Variants in NUAK2 observed in about 807,000 individuals in gnomAD.
NUAK2 encodes NUAK family kinase 2, also known as NUAK family SNF1-like kinase 2.
NUAK2 carries 20 observed loss-of-function variants against 29.8 expected under a neutral mutation model. That is an observed-to-expected ratio of 0.67 (90% confidence interval 0.47 to 0.98). NUAK2 has a LOEUF of 0.98. Among genes scored for constraint, NUAK2 ranks in the 50% least tolerant of loss-of-function variants. The pLI, the probability that NUAK2 is intolerant of heterozygous loss-of-function variation, is 0.00. For synonymous variants in NUAK2, 331 were observed against 342.6 expected (o/e 0.97, Z 0.37); for missense variants, 719 against 834.5 (o/e 0.86, Z 1.71).
intron 1 of NUAK2, among the ~76,000 whole-genome samples, chr1:205,317,483 G>A (rs1466113586): frequency 6.6e-6 from 1 of 152,188 alleles, no homozygotes; most frequent in Non-Finnish European, 1.5e-5. Context: ...GCCTAGGGGT[G>A]GCTCGCCATC....
chr1:205,313,702 AAG>A (rs573037198), intron 1 of NUAK2, among the ~76,000 whole-genome samples: 599 of 151,924 alleles, frequency 3.9e-3, no homozygotes, highest in Non-Finnish European at 7.1e-3. Context: ...AGGTTGAACT[AAG>A]AGATCTGAGG....
intron 2 of NUAK2, among the ~76,000 whole-genome samples, chr1:205,309,808 C>T (rs1662232015): frequency 6.6e-6 from 1 of 152,226 alleles, no homozygotes; most frequent in South Asian, 2.1e-4. Context: ...GGATCCAGGG[C>T]AGGGCCTCAT....
At chr1:205,311,431 T>C (rs528768000) in intron 2 of NUAK2, among the ~76,000 whole-genome samples, 2 of 152,278 alleles carry the variant, frequency 1.3e-5, no homozygotes, top group South Asian at 4.1e-4. Context: ...GAGTGGAGCA[T>C]TCAATGACAT....
At position 205,321,398 on chromosome 1, in the gene NUAK2, C is replaced by T; in HGVS notation, c.231G>A (p.Leu77=). The part of the protein sequence containing the change: ...VKKARESSGR[L]VAIKSIRKDK... Reference sequence around the variant, plus strand: ...CGCCGCGAGAGGGAGCCGCACTCACCAGGCGCCCCGAGCTCTCCCGCGCCT... The same window carrying T: ...CGCCGCGAGAGGGAGCCGCACTCACTAGGCGCCCCGAGCTCTCCCGCGCCT... The change falls in exon 1 of 7, where the codon CTG becomes CTA. Residue 77 remains leucine, a splice_region_variant and synonymous_variant. Transcript: ENST00000367157. 1 of 1,612,716 alleles carries T rather than the reference C, an allele frequency of 6.2e-7. No homozygotes were observed. Among genetic ancestry groups the T allele is most frequent in the Non-Finnish European group, 8.5e-7 (1 of 1,179,418 alleles).
chr1:205,320,389 C>T (rs1167351077), intron 1 of NUAK2, among the ~76,000 whole-genome samples: 3 of 152,156 alleles, frequency 2.0e-5, no homozygotes, highest in East Asian at 3.9e-4. Context: ...CTCAGCCTCC[C>T]GAGTAGCTGG....
At chr1:205,313,564 A>G (rs1476767983) in intron 1 of NUAK2, among the ~76,000 whole-genome samples, 2 of 151,992 alleles carry the variant, frequency 1.3e-5, no homozygotes, top group East Asian at 1.9e-4. Flanking sequence ...CCCAGAAAAT[A>G]CCAGGGAGCA....
intron 4 of NUAK2, among the ~76,000 whole-genome samples, chr1:205,307,342 G>A (rs2102646804): frequency 6.6e-6 from 1 of 152,308 alleles, no homozygotes. Context: ...GTCCATGTTT[G>A]TGCCTGATTA....
At chr1:205,320,912 C>T (rs1238022039) in intron 1 of NUAK2, among the ~76,000 whole-genome samples, 1 of 152,166 alleles carries the variant, frequency 6.6e-6, no homozygotes, top group East Asian at 1.9e-4. Context: ...CGTGCCAGAG[C>T]TCCAGTGTGC....
chr1:205,306,321 T>G lies in NUAK2; in HGVS notation c.571-14A>C. 6.2e-7 allele frequency: 1 copy of G among 1,607,324 alleles called. No individual in the cohort carries two copies. Among genetic ancestry groups the G allele is most frequent in the Non-Finnish European group, 8.5e-7 (1 of 1,176,880 alleles). On this transcript the variant is annotated splice_polypyrimidine_tract_variant and intron_variant, in intron 4 of 6. Coordinates refer to ENST00000367157, the MANE Select transcript of NUAK2 (RefSeq NM_030952.3). Reference sequence around the variant, plus strand: ...GAAGTCAGCAATCTGCAGGATTGAGTCAAACACGGGCACAGGTCATGTCAA... The same window carrying G: ...GAAGTCAGCAATCTGCAGGATTGAGGCAAACACGGGCACAGGTCATGTCAA...
At chr1:205,316,617 G>T (rs1311098820) in intron 1 of NUAK2, among the ~76,000 whole-genome samples, 1 of 152,194 alleles carries the variant, frequency 6.6e-6, no homozygotes, top group African/African-American at 2.4e-5. Context: ...AGGCCAAAAA[G>T]AAAGAGCCAT....
In NUAK2 at chr1:205,303,351, G is replaced by A; in HGVS notation, c.*99C>T. The A allele has an allele frequency of 9.3e-7, 1 of 1,077,166 alleles. No individual in the cohort carries two copies. The highest frequency in any genetic ancestry group is 1.3e-6 in the Non-Finnish European group (1 of 757,190). 66.7% of individuals were successfully genotyped at this position (1,077,166 alleles called of 1,614,324 possible). Reference sequence around the variant, plus strand: ...CAAACCCTCTCAGCCTTCTGAGCTGGGATGCAGGTCCTGGGAGGTGGGGGA... The same window carrying A: ...CAAACCCTCTCAGCCTTCTGAGCTGAGATGCAGGTCCTGGGAGGTGGGGGA... On this transcript the variant is annotated 3_prime_UTR_variant, in exon 7 of 7. Transcript: ENST00000367157.
chr1:205,304,282 C>T lies in NUAK2; in HGVS notation c.1055G>A (p.Ser352Asn). ...ACCAGGTGCATGCTGCTTGAAGAAGCTGCACACCTTGGCCCCATTCTCCAG... is the reference window on the plus strand; with the variant it reads ...ACCAGGTGCATGCTGCTTGAAGAAGTTGCACACCTTGGCCCCATTCTCCAG... ...PLLENGAKVC[S>N]FFKQHAPGGG... Residue 352 changes from serine (S) to asparagine (N), a missense_variant, in exon 7 of 7, where the codon AGC becomes AAC. Ser to Asn is a conservative substitution (Grantham distance 46, BLOSUM62 1). This residue lies in a region of NUAK2 where 430 missense variants were observed against 465.7 expected (regional missense o/e 0.92). Coordinates refer to ENST00000367157, the MANE Select transcript of NUAK2 (RefSeq NM_030952.3). This position sits in a 1 kb window ranked among gnomAD's most constrained non-coding sequence, Gnocchi z 6.5. 6.2e-7 allele frequency: 1 copy of T among 1,613,542 alleles called. No homozygotes were observed. The highest frequency in any genetic ancestry group is 8.5e-7 in the Non-Finnish European group (1 of 1,179,712).
At chr1:205,312,119 G>A (rs751805482) in intron 1 of NUAK2, among the ~76,000 whole-genome samples, 2 of 152,192 alleles carry the variant, frequency 1.3e-5, no homozygotes, top group Non-Finnish European at 2.9e-5. Context: ...CATTTGCAAG[G>A]CTGATGCGTT....
chr1:205,317,876 C>T (rs1662352373), intron 1 of NUAK2, among the ~76,000 whole-genome samples: 1 of 152,254 alleles, frequency 6.6e-6, no homozygotes, highest in Non-Finnish European at 1.5e-5. Context: ...AATCCATACT[C>T]TTTCTCAGGG....
rs377624406 is a variant in NUAK2 at position 205,305,337 on chromosome 1, A to C, written c.691-6T>G. On this transcript the variant is annotated splice_polypyrimidine_tract_variant and splice_region_variant and intron_variant, in intron 5 of 6. Transcript: ENST00000367157. ...CCCAGGGACCAGCTGTCCACCTGAG[A>C]GAGATGGGGGAGGTCAGCAGGGATG... is the stretch of plus-strand genomic sequence containing the variant. 7 of 1,612,888 alleles carry C rather than the reference A, an allele frequency of 4.3e-6. No homozygotes were observed. The African/African-American group carries it at 9.3e-5, about 22-fold the overall frequency.
chr1:205,318,677 T>C (rs1204529504), intron 1 of NUAK2, among the ~76,000 whole-genome samples: 1 of 152,244 alleles, frequency 6.6e-6, no homozygotes, highest in Non-Finnish European at 1.5e-5. Flanking sequence ...GACTCCACCA[T>C]TTCAGAGACC....
chr1:205,306,749 A>C (rs1574891016), intron 4 of NUAK2, among the ~76,000 whole-genome samples: 1 of 152,138 alleles, frequency 6.6e-6, no homozygotes, highest in African/African-American at 2.4e-5. Context: ...CCTCTCCTGC[A>C]GCTGCTAGCC....
At chr1:205,307,153 G>T (rs1174715519) in intron 4 of NUAK2, among the ~76,000 whole-genome samples, 1 of 152,174 alleles carries the variant, frequency 6.6e-6, no homozygotes, top group Non-Finnish European at 1.5e-5. Context: ...CTGAGGCCAT[G>T]CCCTGGTGCT....
At position 205,308,034 on chromosome 1, in the gene NUAK2, A is replaced by G. The variant is rs1435429572; in HGVS notation, c.570+131T>C. ...ATGGATGATGGCTGAGGTCCCTACC[A>G]GTACCAATGAAGGTCAGCCTTGCTC... On this transcript the variant is annotated intron_variant, in intron 4 of 6. Transcript: ENST00000367157. The surrounding 1 kb of genome is among the most constrained non-coding windows in gnomAD (Gnocchi z 4.1). 2 of 663,376 alleles carry G rather than the reference A, an allele frequency of 3.0e-6. No individual in the cohort carries two copies. Among genetic ancestry groups the G allele is most frequent in the African/African-American group, 1.9e-5 (1 of 53,998 alleles). 41.1% of individuals were successfully genotyped at this position (663,376 alleles called of 1,614,324 possible). A position where few individuals can be genotyped will look rare whatever the true frequency, so the allele number is the denominator to read the frequency against.
Sources: gnomAD v4.1 joint callset for allele counts (sites outside exome capture counted in the v4.1 genomes callset) on GRCh38, gnomAD v4.1.1 for gene constraint, gnomAD v4.1.1 regional missense constraint, Gnocchi (gnomAD v3.1) non-coding constraint, MANE v1.5 for transcripts, NCBI Gene and HGNC (gene_info 2026-07-23, HGNC 2026-07-21) for gene names.